The following PHF8 variants were observed in gnomAD, a reference collection of about 807,000 sequenced individuals.
PHF8 encodes the protein PHD finger protein 8.
Under a neutral mutation model 74.4 loss-of-function variants are expected in PHF8, and 9 were observed. The observed-to-expected ratio is 0.12, with a 90% CI of 0.07 to 0.21. The LOEUF is 0.21. PHF8 is among the 10% of genes least tolerant of loss of function. The pLI is 1.00. For synonymous variants in PHF8, 311 were observed against 316.6 expected, an observed-to-expected ratio of 0.98 and a Z score of 0.19; for missense variants, 478 against 816.6, an observed-to-expected ratio of 0.59 and a Z score of 5.05.
chrX:53,972,134 C>G (rs894556533), intron 18 of PHF8, among the ~76,000 whole-genome samples: 1 of 109,599 alleles, frequency 9.1e-6, no homozygotes, highest in East Asian at 2.8e-4. Context: ...ACCATCCTGG[C>G]CAACATGGTG....
At chrX:53,962,600 CA>C (rs1323896656) in intron 19 of PHF8, among the ~76,000 whole-genome samples, 2 of 111,401 alleles carry the variant, frequency 1.8e-5, no homozygotes, top group East Asian at 5.6e-4. Context: ...CATATAATAT[CA>C]AATGCAATAT....
At chrX:54,000,522 T>G (rs1481645530) in intron 10 of PHF8, among the ~76,000 whole-genome samples, 1 of 112,654 alleles carries the variant, frequency 8.9e-6, no homozygotes, top group African/African-American at 3.2e-5. Context: ...AATGAGCAGT[T>G]AGTCATCCAG....
chrX:54,047,803 A>G (rs2066640626), upstream of PHF8, among the ~76,000 whole-genome samples: 1 of 111,634 alleles, frequency 9.0e-6, no homozygotes, highest in African/African-American at 3.3e-5. Context: ...AGTCTATTTT[A>G]GATAAGGTAG....
intron 4 of PHF8, among the ~76,000 whole-genome samples, chrX:54,019,787 C>CAAAAAAAAAAAAA (rs781792263): frequency 2.2e-4 from 6 of 27,677 alleles, no homozygotes; most frequent in East Asian, 1.2e-3. Context: ...GACACCGCCT[C>CAAAAAAAAAAAAA]AAAAAAAAAA....
chrX:54,011,103 G>C lies in PHF8; in HGVS notation c.946+19C>G. The C allele has an allele frequency of 8.3e-7, 1 of 1,202,181 alleles. No homozygotes were observed. Among genetic ancestry groups the C allele is most frequent in the Non-Finnish European group, 1.1e-6 (1 of 887,117 alleles). On this transcript the variant is annotated intron_variant, in intron 8 of 21. Coordinates refer to ENST00000338154, the MANE Select transcript of PHF8 (RefSeq NM_015107.3). ...TTTCCACCCTCCCCAAACCCTCCCA[G>C]AAGCACCCAAGGGAAGACCTGTGGG...
rs2065702519 is a variant in PHF8, at chrX:53,993,598, C to T, written c.1626+3G>A. On this transcript the variant is annotated splice_donor_region_variant and intron_variant, in intron 13 of 21. Transcript: ENST00000338154. Reference sequence around the variant, plus strand: ...TGGGCTGAACCCATGGGCCAGCACCCACCTTTGCTTTCTGGAAAGAGCCTG... The same window carrying T: ...TGGGCTGAACCCATGGGCCAGCACCTACCTTTGCTTTCTGGAAAGAGCCTG... The T allele has an allele frequency of 1.7e-6, 2 of 1,205,864 alleles. No individual in the cohort carries two copies. The highest frequency in any genetic ancestry group is 1.7e-5 in the African/African-American group (1 of 57,338).
intron 19 of PHF8, among the ~76,000 whole-genome samples, chrX:53,960,405 C>T (rs1225878589): frequency 9.1e-6 from 1 of 109,340 alleles, no homozygotes; most frequent in Non-Finnish European, 1.9e-5. Flanking sequence ...ATATGCTACA[C>T]CCACTACTTT....
chrX:54,018,738 A>G (rs1457991180), intron 4 of PHF8, among the ~76,000 whole-genome samples: 2 of 109,768 alleles, frequency 1.8e-5, no homozygotes, highest in Non-Finnish European at 1.9e-5. Context: ...CTCCTACCTC[A>G]GCCTCCCGAC....
chrX:53,963,135 TC>T (rs1383594477), intron 18 of PHF8, among the ~76,000 whole-genome samples, 196 bp from the exon 19 acceptor site: 3 of 112,094 alleles, frequency 2.7e-5, no homozygotes, highest in African/African-American at 9.7e-5. Flanking sequence ...AATGTCCTTC[TC>T]CTAGATTCAC....
chrX:53,942,785 AG>A, intron 20 of PHF8: 1 of 753,177 alleles, frequency 1.3e-6, no homozygotes, highest in Non-Finnish European at 1.6e-6. Flanking sequence ...AATGGGTAAA[AG>A]GAACATCTTG....
At chrX:54,037,848 AT>A (rs1402619844) in intron 2 of PHF8, among the ~76,000 whole-genome samples, 1 of 112,620 alleles carries the variant, frequency 8.9e-6, no homozygotes, top group Non-Finnish European at 1.9e-5. Context: ...AGCTATAACC[AT>A]TTTATTTAAA....
chrX:53,959,599 G>A (rs782580160), intron 19 of PHF8, among the ~76,000 whole-genome samples: 202 of 110,227 alleles, frequency 1.8e-3, no homozygotes, highest in African/African-American at 6.4e-3. Flanking sequence ...AGAGATTGAC[G>A]GCCTGTAATC....
At chrX:54,024,703 A>C (rs1416862890) in intron 2 of PHF8, among the ~76,000 whole-genome samples, 1 of 111,910 alleles carries the variant, frequency 8.9e-6, no homozygotes, top group Non-Finnish European at 1.9e-5. Context: ...CCGGTCTGTG[A>C]ACTATTTACT....
intron 8 of PHF8, among the ~76,000 whole-genome samples, chrX:54,003,758 G>A (rs782535040): frequency 3.6e-5 from 4 of 112,138 alleles, no homozygotes; most frequent in Non-Finnish European, 5.6e-5. Flanking sequence ...GGTAAGTTCA[G>A]TCGGCCTACC....
intron 19 of PHF8, among the ~76,000 whole-genome samples, chrX:53,955,221 C>T (rs1261952413): frequency 9.0e-6 from 1 of 110,918 alleles, no homozygotes; most frequent in East Asian, 2.8e-4. Flanking sequence ...TCTGATATTA[C>T]ATAATTATAT....
rs1395816358 is a variant in PHF8, at chrX:53,948,696, ATTC to A, written c.2540-4456_2540-4454del. Reference sequence around the variant, plus strand: ...GAATCTGAGTATTAAGACTATGGGTATTCAGGTGCTATCCCTTCTACTTTTACA... The same window carrying A: ...GAATCTGAGTATTAAGACTATGGGTAAGGTGCTATCCCTTCTACTTTTACA... On this transcript the variant is annotated intron_variant, in intron 19 of 21. Coordinates refer to ENST00000338154, the MANE Select transcript of PHF8 (RefSeq NM_015107.3). 6.0e-4 allele frequency among the ~76,000 whole-genome samples: 67 copies of A among 111,961 alleles called. 5 individuals are homozygous for A. The highest frequency in any genetic ancestry group is 9.4e-5 in the Non-Finnish European group (5 of 53,240).
chrX:53,973,097 G>A (rs1454424455), intron 18 of PHF8, among the ~76,000 whole-genome samples: 2 of 111,718 alleles, frequency 1.8e-5, no homozygotes, highest in African/African-American at 6.5e-5. Flanking sequence ...CAAGGGAAAC[G>A]AAGGACCTCT....
chrX:54,009,772 G>C (rs782519409), intron 8 of PHF8, among the ~76,000 whole-genome samples: 1 of 96,621 alleles, frequency 1.0e-5, no homozygotes, highest in Non-Finnish European at 2.1e-5. Context: ...GAACCTGGGA[G>C]GCGGAGGTTG....
intron 19 of PHF8, among the ~76,000 whole-genome samples, chrX:53,958,407 A>T (rs782591603): frequency 9.7e-6 from 1 of 103,154 alleles, no homozygotes; most frequent in South Asian, 4.3e-4. Context: ...CAACTGAGTT[A>T]AAAAAAAAAG....
Sources: gnomAD v4.1 joint callset for allele counts (sites outside exome capture counted in the v4.1 genomes callset) on GRCh38, gnomAD v4.1.1 for gene constraint, MANE v1.5 for transcripts, NCBI Gene and HGNC (gene_info 2026-07-23, HGNC 2026-07-21) for gene names.